Variants in E2F5 observed in about 807,000 individuals in gnomAD.
E2F5 encodes E2F transcription factor 5.
In E2F5, 23 loss-of-function variants were observed where a neutral mutation model predicts 39.1. The ratio of observed to expected loss-of-function variants is 0.59; its 90% CI spans 0.42 to 0.83. The LOEUF (loss-of-function observed/expected upper bound fraction) is 0.83. Among genes scored for constraint, E2F5 ranks in the 40% least tolerant of loss-of-function variants. The pLI, the probability that E2F5 is intolerant of heterozygous loss-of-function variation, is 0.00. For missense variants in E2F5, 365 were observed against 406.7 expected, an observed-to-expected ratio of 0.90 and a Z score of 0.88; for synonymous variants, 145 against 157.8, an observed-to-expected ratio of 0.92 and a Z score of 0.61.
Position 85,177,514 on chromosome 8 carries a change from G to GCCCCGCAGCCGC in E2F5, c.101_112dup (p.Gln34_Pro37dup), listed in dbSNP as rs1812108667. The GCCCCGCAGCCGC allele has an allele frequency of 1.8e-6, 2 of 1,113,076 alleles. No individual in the cohort carries two copies. The highest frequency in any genetic ancestry group is 2.2e-6 in the Non-Finnish European group (2 of 913,444). The allele number at this position is 1,113,076 out of a possible 1,614,324, so 68.9% of individuals were successfully genotyped here. The stretch of plus-strand genomic sequence containing the variant: ...GCCGCCGCAGCCTCCGCAGGCGCAA[G>GCCCCGCAGCCGC]CCCCGCAGCCGCCCCCGCCGCCGCA... On this transcript the variant is annotated inframe_insertion, in exon 1 of 8. Coordinates refer to ENST00000416274, the MANE Select transcript of E2F5 (RefSeq NM_001951.4).
Position 85,214,119 on chromosome 8 carries a change from T to G in E2F5, c.*257T>G, listed in dbSNP as rs1314718958. The G allele has an allele frequency of 1.8e-6, 1 of 563,302 alleles. No homozygotes were observed. Among genetic ancestry groups the G allele is most frequent in the Non-Finnish European group, 3.3e-6 (1 of 301,014 alleles). The allele number at this position is 563,302 out of a possible 1,614,324, so 34.9% of individuals were successfully genotyped here. On this transcript the variant is annotated 3_prime_UTR_variant, in exon 8 of 8. Transcript: ENST00000416274. ...AAGTAACTATATTCTGGATTTCAAC[T>G]TTTCTTCTAATTGTGAATCCTTCTG...
At chr8:85,198,170 C>T (rs1339180450) in intron 1 of E2F5, among the ~76,000 whole-genome samples, 1 of 152,122 alleles carries the variant, frequency 6.6e-6, no homozygotes, top group Non-Finnish European at 1.5e-5. Flanking sequence ...TTAATATGCC[C>T]TGTTATTATC....
Position 85,177,554 on chromosome 8 carries a change from G to C in E2F5, c.134G>C (p.Gly45Ala). The C allele has an allele frequency of 1.6e-6, 2 of 1,251,756 alleles. No homozygotes were observed. Among genetic ancestry groups the C allele is most frequent in the Non-Finnish European group, 2.0e-6 (2 of 996,616 alleles). The allele number at this position is 1,251,756 out of a possible 1,614,324, so 77.5% of individuals were successfully genotyped here. A position where few individuals can be genotyped will look rare whatever the true frequency, so the allele number is the denominator to read the frequency against. Residue 45 changes from glycine (G) to alanine (A), a missense_variant, in exon 1 of 8, where the codon GGG becomes GCG. Transcript: ENST00000416274. ...CCGCCGCCGCAGCTCGGGGGCGCCG[G>C]GGGCGGCAGCAGCAGGCACGAGAAG... ...PPPPPQLGGA[G>A]GGSSRHEKSL... is the part of the protein sequence containing the mutation.
intron 5 of E2F5, among the ~76,000 whole-genome samples, chr8:85,207,835 T>C (rs965960938): frequency 6.6e-6 from 1 of 152,252 alleles, no homozygotes; most frequent in Admixed American, 6.5e-5. Context: ...CTTCAGGCTA[T>C]GTGAATAAGG....
At chr8:85,213,471 G>C (rs574377685) in intron 7 of E2F5, 1 of 174,642 alleles carries the variant, frequency 5.7e-6, no homozygotes, top group African/African-American at 2.6e-5. Context: ...GAACCCGGGA[G>C]TCGGGAGCTT....
In E2F5 at chr8:85,209,402, A is replaced by G. The variant is rs963450996; in HGVS notation, c.876A>G (p.Ile292Met). 7 of 1,607,556 alleles carry G rather than the reference A, an allele frequency of 4.4e-6. No homozygotes were observed. The highest frequency in any genetic ancestry group is 5.1e-6 in the Non-Finnish European group (6 of 1,176,624). The change falls in exon 6 of 8, where the codon ATA becomes ATG. Residue 292 changes from isoleucine to methionine, a missense_variant. Transcript: ENST00000416274. ...TGCAGCAGACATCAGCTACAGATAT[A>G]TCTTCAGGTGGGTTCAGAGCCTTTC... The part of the protein sequence containing the change: ...QALQQTSATD[I>M]SSAGSISGDI...
In E2F5 at chr8:85,177,613, C is replaced by T. The variant is rs1812113132; in HGVS notation, c.193C>T (p.Leu65=). The part of the protein sequence containing the change: ...LGLLTTKFVS[L]LQEAKDGVLD... ...GCTGCTCACTACCAAGTTCGTGTCGCTGCTGCAGGAGGCCAAGGACGGCGT... is the reference window on the plus strand; with the variant it reads ...GCTGCTCACTACCAAGTTCGTGTCGTTGCTGCAGGAGGCCAAGGACGGCGT... Residue 65 remains leucine (L), a synonymous_variant, in exon 1 of 8, where the codon CTG becomes TTG. Coordinates refer to ENST00000416274, the MANE Select transcript of E2F5 (RefSeq NM_001951.4). The T allele has an allele frequency of 2.3e-6, 3 of 1,298,070 alleles. No individual in the cohort carries two copies. Among genetic ancestry groups the T allele is most frequent in the Admixed American group, 3.1e-5 (1 of 32,342 alleles). 80.4% of individuals were successfully genotyped at this position (1,298,070 alleles called of 1,614,324 possible). A position where few individuals can be genotyped will look rare whatever the true frequency, so the allele number is the denominator to read the frequency against.
intron 3 of E2F5, among the ~76,000 whole-genome samples, chr8:85,205,882 C>G (rs574553255): frequency 6.6e-6 from 1 of 151,552 alleles, no homozygotes; most frequent in South Asian, 2.1e-4. Flanking sequence ...TCCTTTTCCC[C>G]ATCCATTCCC....
At position 85,205,083 on chromosome 8, in the gene E2F5, G is replaced by T. The variant is rs1812773530; in HGVS notation, c.507-1094G>T. 3.3e-5 allele frequency among the ~76,000 whole-genome samples: 5 copies of T among 152,152 alleles called. No homozygotes were observed. In the South Asian group the frequency reaches 1.0e-3, roughly 32 times the overall value. Reference sequence around the variant, plus strand: ...CATCTGTAATCCCAGCTACCAGGGAGGCCATAGGAGAATTGCTTGAACCCA... The same window carrying T: ...CATCTGTAATCCCAGCTACCAGGGATGCCATAGGAGAATTGCTTGAACCCA... On this transcript the variant is annotated intron_variant, in intron 3 of 7. Transcript: ENST00000416274.
chr8:85,211,648 T>G (rs1446315029), intron 6 of E2F5, among the ~76,000 whole-genome samples: 64 of 132,424 alleles, frequency 4.8e-4, no homozygotes, highest in African/African-American at 1.6e-3. Context: ...TTGTTGTTTT[T>G]TTTTTTTTTT....
chr8:85,207,016 T>C (rs1048821428), intron 4 of E2F5, among the ~76,000 whole-genome samples: 3 of 152,202 alleles, frequency 2.0e-5, no homozygotes, highest in African/African-American at 7.2e-5. Flanking sequence ...TTGTAGAATT[T>C]GGCTTCAAAA....
At chr8:85,178,399 C>A (rs1196683222) in intron 1 of E2F5, among the ~76,000 whole-genome samples, 1 of 152,080 alleles carries the variant, frequency 6.6e-6, no homozygotes, top group Non-Finnish European at 1.5e-5. Context: ...TCTCTCCCTG[C>A]GTCGTCCTTT....
chr8:85,186,308 A>G (rs1445838529), intron 1 of E2F5, among the ~76,000 whole-genome samples: 1 of 152,024 alleles, frequency 6.6e-6, no homozygotes, highest in Non-Finnish European at 1.5e-5. Flanking sequence ...GAGTTGAACA[A>G]GAACACATGG....
intron 1 of E2F5, among the ~76,000 whole-genome samples, chr8:85,185,287 ATGTTGGAAAAC>A (rs1405335210): frequency 6.6e-6 from 1 of 152,108 alleles, no homozygotes; most frequent in African/African-American, 2.4e-5. Context: ...TTAATAAATG[ATGTTGGAAAAC>A]TGGCTAGCCA....
chr8:85,214,183 G>A lies in E2F5; in HGVS notation c.*321G>A, dbSNP rs1370527739. ...AGGAGGAAAGTTAAAGGACACTACA[G>A]GTCATCAAAAACAAGTTGGCCAAGG... is the stretch of plus-strand genomic sequence containing the variant. On this transcript the variant is annotated 3_prime_UTR_variant, in exon 8 of 8. Transcript: ENST00000416274. The A allele has an allele frequency of 1.9e-6, 1 of 536,294 alleles. No homozygotes were observed. The highest frequency in any genetic ancestry group is 4.8e-5 in the East Asian group (1 of 21,002). The allele number at this position is 536,294 out of a possible 1,614,324, so 33.2% of individuals were successfully genotyped here.
intron 1 of E2F5, among the ~76,000 whole-genome samples, chr8:85,194,384 A>G (rs1034370462): frequency 6.6e-6 from 1 of 152,084 alleles, no homozygotes; most frequent in Non-Finnish European, 1.5e-5. Context: ...TGTACATTCT[A>G]GTAGATTCTG....
chr8:85,210,686 A>AG (rs1195179190), intron 6 of E2F5, among the ~76,000 whole-genome samples: 1 of 152,070 alleles, frequency 6.6e-6, no homozygotes, highest in Non-Finnish European at 1.5e-5. Flanking sequence ...AAAAAAAAAA[A>AG]AAAAGAAAAT....
intron 1 of E2F5, among the ~76,000 whole-genome samples, chr8:85,186,883 G>GTA (rs1191829256): frequency 5.5e-5 from 8 of 146,448 alleles, no homozygotes; most frequent in African/African-American, 1.0e-4. Flanking sequence ...TATATATATG[G>GTA]TATATATATA....
rs542188892 is a variant in E2F5, at chr8:85,201,087, C to G, written c.235-1060C>G. On this transcript the variant is annotated intron_variant, in intron 1 of 7. Coordinates refer to ENST00000416274, the MANE Select transcript of E2F5 (RefSeq NM_001951.4). ...TCTCTTAAGATCCCAAATGCCTGTACAGTGAATATAGCTGTCAGTGGCACC... is the reference window on the plus strand; with the variant it reads ...TCTCTTAAGATCCCAAATGCCTGTAGAGTGAATATAGCTGTCAGTGGCACC... Among the ~76,000 whole-genome samples the G allele has an allele frequency of 3.2e-4, 49 of 152,186 alleles. 1 individual carries two copies. The highest frequency in any genetic ancestry group is 8.3e-4 in the South Asian group (4 of 4,828).
Sources: allele counts gnomAD v4.1 joint callset (sites outside exome capture counted in the v4.1 genomes callset), GRCh38; gene constraint gnomAD v4.1.1; transcripts MANE v1.5; gene names NCBI Gene and HGNC (gene_info 2026-07-23, HGNC 2026-07-21).